MSRA: variants seen among roughly 807,000 people sequenced by gnomAD.
The protein encoded by MSRA is methionine sulfoxide reductase A, also known as mitochondrial peptide methionine sulfoxide reductase.
In MSRA, 54 loss-of-function variants were observed where a neutral mutation model predicts 31.3. The observed-to-expected ratio is 1.73, with a 90% CI of 1.39 to 2.17. The LOEUF is 2.17. MSRA is among the 30% of genes most tolerant of loss of function. MSRA has a pLI of 0.00. For synonymous variants in MSRA, 169 were observed against 116.5 expected (o/e 1.45, Z -2.90); for missense variants, 507 against 300.9 (o/e 1.69, Z -5.07).
At chr8:10,159,875 A>G (rs2129041456) in intron 1 of MSRA, among the ~76,000 whole-genome samples, 1 of 152,366 alleles carries the variant, frequency 6.6e-6, no homozygotes, top group East Asian at 1.9e-4. Context: ...TTTTTGAGAT[A>G]CATGCCTAAT....
chr8:10,300,363 C>T (rs899798627), intron 3 of MSRA, among the ~76,000 whole-genome samples: 2 of 151,998 alleles, frequency 1.3e-5, no homozygotes, highest in African/African-American at 4.8e-5. Context: ...TCAAGTGATT[C>T]TCCTGCCTCA....
At chr8:10,092,935 G>C (rs1441943533) in intron 1 of MSRA, among the ~76,000 whole-genome samples, 1 of 152,040 alleles carries the variant, frequency 6.6e-6, no homozygotes, top group Admixed American at 6.6e-5. Context: ...ATTATAAAAC[G>C]TCCTTCTTTA....
chr8:10,064,643 A>G (rs1291861863), intron 1 of MSRA, among the ~76,000 whole-genome samples: 2 of 152,234 alleles, frequency 1.3e-5, no homozygotes, highest in Non-Finnish European at 2.9e-5. Flanking sequence ...TCTTTCAAAG[A>G]TGTTACCATA....
At chr8:10,158,149 C>A (rs779192946) in intron 1 of MSRA, among the ~76,000 whole-genome samples, 1 of 152,160 alleles carries the variant, frequency 6.6e-6, no homozygotes, top group Non-Finnish European at 1.5e-5. Context: ...CCATTAGGGC[C>A]CCATCCTCAT....
chr8:10,337,514 C>T (rs1020035581), intron 5 of MSRA: 1 of 571,312 alleles, frequency 1.8e-6, no homozygotes, highest in Admixed American at 3.2e-5. Flanking sequence ...TCCAAAAAGA[C>T]TGTGTGCTAC....
intron 1 of MSRA, among the ~76,000 whole-genome samples, chr8:10,070,693 C>G (rs1253205406): frequency 1.3e-5 from 2 of 152,190 alleles, no homozygotes; most frequent in Non-Finnish European, 2.9e-5. Flanking sequence ...GGCGACCACT[C>G]CTGTTCTCCA....
At chr8:10,409,376 A>G (rs565494991) in intron 5 of MSRA, among the ~76,000 whole-genome samples, 1 of 152,228 alleles carries the variant, frequency 6.6e-6, no homozygotes, top group South Asian at 2.1e-4. Flanking sequence ...AATGAAGTTC[A>G]TCTCTCCCCT....
intron 5 of MSRA, among the ~76,000 whole-genome samples, chr8:10,386,867 T>C (rs1165852391): frequency 8.7e-6 from 1 of 115,440 alleles, no homozygotes; most frequent in Admixed American, 8.9e-5. Flanking sequence ...TCAGAGTGGA[T>C]TATTTAAAAA....
intron 5 of MSRA, among the ~76,000 whole-genome samples, chr8:10,383,847 C>G (rs1248228029): frequency 6.6e-6 from 1 of 152,144 alleles, no homozygotes; most frequent in Non-Finnish European, 1.5e-5. Flanking sequence ...TTGAGCACAG[C>G]TAAAGACAGA....
At chr8:10,378,548 T>A (rs549476731) in intron 5 of MSRA, among the ~76,000 whole-genome samples, 10 of 152,216 alleles carry the variant, frequency 6.6e-5, no homozygotes, top group Non-Finnish European at 1.3e-4. Context: ...GGGCTCACTG[T>A]GGCCATCAGA....
chr8:10,336,670 G>A (rs1031407709), intron 5 of MSRA: 6 of 152,124 alleles, frequency 3.9e-5, no homozygotes, highest in African/African-American at 1.4e-4. Context: ...GCCTTTTGAT[G>A]TAGATTCCAG....
intron 1 of MSRA, among the ~76,000 whole-genome samples, chr8:10,147,830 G>C (rs578182502): frequency 6.6e-6 from 1 of 152,320 alleles, no homozygotes. Flanking sequence ...TCTCTGGACT[G>C]TCACTCCAGC....
intron 4 of MSRA, among the ~76,000 whole-genome samples, chr8:10,312,322 G>T (rs1356974514): frequency 6.6e-6 from 1 of 152,178 alleles, no homozygotes; most frequent in Non-Finnish European, 1.5e-5. Context: ...GGAATAAAAA[G>T]TGGGATATCA....
chr8:10,417,069 G>A (rs1048773064), intron 5 of MSRA, among the ~76,000 whole-genome samples: 1 of 152,208 alleles, frequency 6.6e-6, no homozygotes. Flanking sequence ...CGCTGCAGCT[G>A]TACGAAGAAG....
At chr8:10,099,378 C>T (rs1014989567) in intron 1 of MSRA, among the ~76,000 whole-genome samples, 9 of 152,006 alleles carry the variant, frequency 5.9e-5, no homozygotes, top group Non-Finnish European at 1.2e-4. Context: ...CTGTGCCAGG[C>T]AAAAGATATA....
intron 1 of MSRA, among the ~76,000 whole-genome samples, chr8:10,102,871 G>T (rs2128934439): frequency 6.6e-6 from 1 of 152,226 alleles, no homozygotes; most frequent in East Asian, 1.9e-4. Flanking sequence ...TATTTTTATT[G>T]TTAGTTTTGT....
intron 4 of MSRA, among the ~76,000 whole-genome samples, chr8:10,310,608 G>A (rs932475399): frequency 7.2e-5 from 11 of 152,176 alleles, no homozygotes; most frequent in African/African-American, 2.4e-4. Flanking sequence ...TCATGTGTAC[G>A]TGATCCCATT....
chr8:10,353,611 T>C (rs1298238131), intron 5 of MSRA: 1 of 456,172 alleles, frequency 2.2e-6, no homozygotes, highest in Admixed American at 2.3e-5. Context: ...TGCCTTTTCC[T>C]TTAGGTACCC....
At chr8:10,112,787 TTTTCTC>T (rs568943443) in intron 1 of MSRA, among the ~76,000 whole-genome samples, 189 of 136,296 alleles carry the variant, frequency 1.4e-3, no homozygotes, top group African/African-American at 6.7e-3. Context: ...TTGGAGAAGT[TTTTCTC>T]TTTCTCAAAC....
Sources: gnomAD v4.1 joint callset for allele counts (sites outside exome capture counted in the v4.1 genomes callset) on GRCh38, gnomAD v4.1.1 for gene constraint, MANE v1.5 for transcripts, NCBI Gene and HGNC (gene_info 2026-07-23, HGNC 2026-07-21) for gene names.